HUWE1: variants seen among roughly 807,000 people sequenced by gnomAD.
The protein encoded by HUWE1 is E3 ubiquitin-protein ligase HUWE1.
Under a neutral mutation model 299.4 loss-of-function variants are expected in HUWE1, and 18 were observed. The ratio of observed to expected loss-of-function variants is 0.06; its 90% CI spans 0.04 to 0.09. The LOEUF (loss-of-function observed/expected upper bound fraction) is 0.09, where lower values mean the gene tolerates loss of function less well. Ranked by LOEUF, HUWE1 falls within the 10% of genes least tolerant of loss-of-function variation. HUWE1 has a pLI of 1.00. For missense variants in HUWE1, 1,832 were observed against 3,462.3 expected (o/e 0.53, Z 11.82); for synonymous variants, 1,317 against 1,286.1 (o/e 1.02, Z -0.51).
chrX:53,546,920 C>A (rs1032589746), intron 68 of HUWE1, 95 bp from the exon 69 acceptor site: 103 of 1,056,102 alleles, frequency 9.8e-5, no homozygotes, highest in Admixed American at 1.6e-4. Flanking sequence ...TTGCCCAGGG[C>A]TTCAAAATGG....
At chrX:53,654,341 T>C (rs782668884) in intron 3 of HUWE1, among the ~76,000 whole-genome samples, 7 of 112,127 alleles carry the variant, frequency 6.2e-5, no homozygotes, top group African/African-American at 1.9e-4. Context: ...CACATCCCTA[T>C]GTTGCACAAG....
intron 82 of HUWE1, 69 bp downstream of exon 82, chrX:53,534,447 G>A (rs782429283): frequency 1.7e-4 from 163 of 963,419 alleles, no homozygotes; most frequent in Non-Finnish European, 2.2e-4. Context: ...TGGTTTATTT[G>A]GTATCACACA....
At chrX:53,586,609 A>C in intron 38 of HUWE1, 38 bp from the exon 39 acceptor site, 2 of 1,106,187 alleles carry the variant, frequency 1.8e-6, no homozygotes, top group Non-Finnish European at 2.5e-6. Context: ...GAAAGCAAGA[A>C]ACCTGCACAA....
intron 63 of HUWE1, among the ~76,000 whole-genome samples, chrX:53,552,038 G>A (rs919605339): frequency 3.6e-5 from 4 of 111,352 alleles, no homozygotes; most frequent in African/African-American, 9.8e-5. Context: ...TCACCCCCTC[G>A]GTATCATTCA....
chrX:53,554,569 A>C (rs782336224), intron 61 of HUWE1, 64 bp downstream of exon 61: 2 of 1,082,418 alleles, frequency 1.8e-6, no homozygotes, highest in African/African-American at 3.6e-5. Flanking sequence ...AGCAAAGAGA[A>C]GCTACAAAGA....
intron 25 of HUWE1, among the ~76,000 whole-genome samples, chrX:53,606,422 AC>A (rs782326646): frequency 1.8e-5 from 2 of 112,230 alleles, no homozygotes; most frequent in Non-Finnish European, 3.8e-5. Context: ...TACACTTCCT[AC>A]CCACCAGAAT....
chrX:53,626,348 A>G (rs2066503509), intron 17 of HUWE1, among the ~76,000 whole-genome samples: 2 of 110,220 alleles, frequency 1.8e-5, no homozygotes, highest in African/African-American at 6.6e-5. Context: ...GCAATTTCAT[A>G]TACTACTAGT....
intron 2 of HUWE1, among the ~76,000 whole-genome samples, chrX:53,681,620 T>C (rs894363447): frequency 3.6e-5 from 4 of 111,774 alleles, no homozygotes; most frequent in Non-Finnish European, 5.6e-5. Flanking sequence ...ACAGGAATTA[T>C]CTTGCTCAGG....
intron 49 of HUWE1, among the ~76,000 whole-genome samples, chrX:53,565,493 T>G (rs1370231918): frequency 9.0e-6 from 1 of 111,407 alleles, no homozygotes; most frequent in Non-Finnish European, 1.9e-5. Context: ...AACAAATTCT[T>G]GACTGGAAAT....
At chrX:53,566,133 G>GTGTGTATATATATATATATATATA (rs782815282) in intron 49 of HUWE1, among the ~76,000 whole-genome samples, 1 of 38,971 alleles carries the variant, frequency 2.6e-5, no homozygotes, top group African/African-American at 9.7e-5. Context: ...GTGTGTGTGT[G>GTGTGTATATATATATATATATATA]TATATATATA....
intron 75 of HUWE1, 97 bp downstream of exon 75, chrX:53,539,560 G>A: frequency 1.2e-6 from 1 of 831,421 alleles, no homozygotes; most frequent in Admixed American, 2.3e-5. Flanking sequence ...AGACACTGAG[G>A]GAGAGGAGTA....
intron 46 of HUWE1, 69 bp downstream of exon 46, chrX:53,575,086 C>T: frequency 3.9e-6 from 3 of 778,578 alleles, no homozygotes; most frequent in Non-Finnish European, 5.9e-6. Context: ...CTGCACAGGA[C>T]ACCTACAGTT....
chrX:53,629,338 G>A (rs140016688), intron 13 of HUWE1, among the ~76,000 whole-genome samples, 178 bp downstream of exon 13: 75 of 111,039 alleles, frequency 6.8e-4, no homozygotes, highest in Non-Finnish European at 1.1e-3. Flanking sequence ...TTAAGACTAC[G>A]TATATAATGT....
intron 17 of HUWE1, 72 bp from the exon 18 acceptor site, chrX:53,625,330 A>G (rs1437725484): frequency 1.4e-6 from 1 of 689,783 alleles, no homozygotes; most frequent in Non-Finnish European, 2.4e-6. Flanking sequence ...CACATAAAAC[A>G]AAATTTTAAG....
chrX:53,585,543 G>A (rs2148337218), intron 39 of HUWE1, among the ~76,000 whole-genome samples: 1 of 111,932 alleles, frequency 8.9e-6, no homozygotes, highest in East Asian at 2.8e-4. Context: ...TTGTGACTGG[G>A]TTGGTTATAA....
chrX:53,536,746 T>C, intron 78 of HUWE1, 79 bp from the exon 79 acceptor site: 1 of 872,358 alleles, frequency 1.1e-6, no homozygotes, highest in Non-Finnish European at 1.7e-6. Context: ...AGTGAGAGAC[T>C]GTGAAGCAGT....
At chrX:53,569,377 T>C (rs1257170807) in intron 48 of HUWE1, among the ~76,000 whole-genome samples, 1 of 112,729 alleles carries the variant, frequency 8.9e-6, no homozygotes, top group East Asian at 2.8e-4. Flanking sequence ...CTCAACTTCC[T>C]TGAAGACCTT....
chrX:53,594,949 G>A (rs1027177855), intron 30 of HUWE1, among the ~76,000 whole-genome samples: 6 of 111,085 alleles, frequency 5.4e-5, no homozygotes, highest in Non-Finnish European at 1.1e-4. Flanking sequence ...TTTGGATAAG[G>A]GATACTACCT....
At chrX:53,538,780 C>T in intron 76 of HUWE1, 55 bp downstream of exon 76, 1 of 1,083,748 alleles carries the variant, frequency 9.2e-7, no homozygotes, top group South Asian at 1.9e-5. Flanking sequence ...CTGTATGAAA[C>T]AATCCTGTTT....
Sources: allele counts gnomAD v4.1 joint callset (sites outside exome capture counted in the v4.1 genomes callset), GRCh38; gene constraint gnomAD v4.1.1; transcripts MANE v1.5; gene names NCBI Gene and HGNC (gene_info 2026-07-23, HGNC 2026-07-21).